Variants in TNFSF4 observed in about 807,000 individuals in gnomAD.
The protein encoded by TNFSF4 is TNF superfamily member 4.
TNFSF4 carries 4 observed loss-of-function variants against 7.3 expected under a neutral mutation model. That is an observed-to-expected ratio of 0.55 (90% confidence interval 0.27 to 1.25). TNFSF4 has a LOEUF of 1.25. Ranked by LOEUF, TNFSF4 falls within the 50% of genes most tolerant of loss-of-function variation. The pLI is 0.12. For synonymous variants in TNFSF4, 76 were observed against 83.7 expected (o/e 0.91, Z 0.50); for missense variants, 181 against 208.8 (o/e 0.87, Z 0.82).
the TNFSF4 span, among the ~76,000 whole-genome samples, chr1:173,281,429 G>C: frequency 2.6e-5 from 4 of 152,202 alleles, no homozygotes; most frequent in African/African-American, 7.2e-5. Flanking sequence ...CTCAAGATGA[G>C]AGCAAGAACA....
chr1:173,420,619 A>G, the TNFSF4 span, among the ~76,000 whole-genome samples: 1 of 152,224 alleles, frequency 6.6e-6, no homozygotes, highest in Admixed American at 6.5e-5. Context: ...GATGTCAAAT[A>G]TGCTTTCCCT....
At chr1:173,199,081 C>A (rs1188124065) in intron 1 of TNFSF4, among the ~76,000 whole-genome samples, 8 of 152,142 alleles carry the variant, frequency 5.3e-5, no homozygotes, top group Non-Finnish European at 1.0e-4. Flanking sequence ...TACTGAAGAA[C>A]CGTACCCTCT....
the TNFSF4 span, among the ~76,000 whole-genome samples, chr1:173,297,252 T>C: frequency 1.3e-5 from 2 of 151,900 alleles, no homozygotes; most frequent in African/African-American, 4.8e-5. Flanking sequence ...TCTAATGATA[T>C]GTTAGACCTT....
chr1:173,398,694 G>C, the TNFSF4 span, among the ~76,000 whole-genome samples: 1 of 152,088 alleles, frequency 6.6e-6, no homozygotes, highest in African/African-American at 2.4e-5. Flanking sequence ...CCAAAGTGCT[G>C]GGATTACAGG....
the TNFSF4 span, among the ~76,000 whole-genome samples, chr1:173,288,854 A>C: frequency 1.3e-5 from 2 of 150,092 alleles, no homozygotes; most frequent in Non-Finnish European, 3.0e-5. Context: ...AATTGAAACC[A>C]TACTTCTCCT....
the TNFSF4 span, chr1:173,363,036 T>TA: frequency 2.6e-6 from 1 of 382,886 alleles, no homozygotes; most frequent in Non-Finnish European, 5.2e-6. Flanking sequence ...TAAGTCTATT[T>TA]GTTTCTAGAC....
chr1:173,294,415 A>T, the TNFSF4 span, among the ~76,000 whole-genome samples: 3 of 152,012 alleles, frequency 2.0e-5, no homozygotes, highest in Non-Finnish European at 2.9e-5. Context: ...GTACACTCAG[A>T]CACAGATATA....
chr1:173,398,160 A>G, the TNFSF4 span, among the ~76,000 whole-genome samples: 15 of 152,146 alleles, frequency 9.9e-5, no homozygotes, highest in Admixed American at 9.8e-4. Context: ...GTCTCTCCTC[A>G]GCCCTTTGTC....
the TNFSF4 span, among the ~76,000 whole-genome samples, chr1:173,390,306 T>C: frequency 6.6e-6 from 1 of 152,212 alleles, no homozygotes; most frequent in Non-Finnish European, 1.5e-5. Context: ...TCTCTATGCA[T>C]TGGCATTTCA....
chr1:173,197,642 C>T (rs544157794), intron 1 of TNFSF4, among the ~76,000 whole-genome samples: 2 of 152,212 alleles, frequency 1.3e-5, no homozygotes, highest in African/African-American at 2.4e-5. Flanking sequence ...ACAATGAGAA[C>T]ACATGGACAT....
At chr1:173,359,510 T>TAAAAAAAAAAAAAAAAAA in the TNFSF4 span, among the ~76,000 whole-genome samples, 1 of 122,748 alleles carries the variant, frequency 8.1e-6, no homozygotes, top group Non-Finnish European at 1.7e-5. Flanking sequence ...TTACCAGCTG[T>TAAAAAAAAAAAAAAAAAA]AAAAAAAAAA....
chr1:173,312,805 G>A, the TNFSF4 span, among the ~76,000 whole-genome samples: 2 of 152,054 alleles, frequency 1.3e-5, no homozygotes, highest in East Asian at 1.9e-4. Context: ...TGCTCACAGG[G>A]CCCCCAACCA....
chr1:173,391,028 G>A, the TNFSF4 span, among the ~76,000 whole-genome samples: 2 of 152,006 alleles, frequency 1.3e-5, no homozygotes, highest in Non-Finnish European at 2.9e-5. Flanking sequence ...TTACAGGTGT[G>A]AGCCACTGCG....
At chr1:173,243,005 G>C in the TNFSF4 span, among the ~76,000 whole-genome samples, 89 of 31,950 alleles carry the variant, frequency 2.8e-3, 4 homozygotes, top group African/African-American at 8.0e-3. Flanking sequence ...GTTGGTGGGT[G>C]GGGGGGGGGG....
At chr1:173,347,749 T>C in the TNFSF4 span, among the ~76,000 whole-genome samples, 3 of 152,234 alleles carry the variant, frequency 2.0e-5, no homozygotes, top group African/African-American at 7.2e-5. Context: ...ACTGGCAATG[T>C]AGGTCTAGCC....
At chr1:173,280,333 T>C in the TNFSF4 span, among the ~76,000 whole-genome samples, 1 of 152,154 alleles carries the variant, frequency 6.6e-6, no homozygotes, top group Non-Finnish European at 1.5e-5. Context: ...TTTCTCTTCC[T>C]TTAAGTTATG....
the TNFSF4 span, among the ~76,000 whole-genome samples, chr1:173,173,467 G>A: frequency 6.6e-6 from 1 of 152,188 alleles, no homozygotes; most frequent in South Asian, 2.1e-4. Context: ...AGGGGCTACA[G>A]TCTCCTTGTA....
At chr1:173,358,315 G>C in the TNFSF4 span, among the ~76,000 whole-genome samples, 1 of 152,130 alleles carries the variant, frequency 6.6e-6, no homozygotes, top group African/African-American at 2.4e-5. Flanking sequence ...CCCAGGACTC[G>C]CTCTATCACC....
At chr1:173,415,665 C>A in the TNFSF4 span, among the ~76,000 whole-genome samples, 1 of 152,242 alleles carries the variant, frequency 6.6e-6, no homozygotes, top group Non-Finnish European at 1.5e-5. Flanking sequence ...ATCAGCTAAC[C>A]TCTGTGACCC....
Sources: allele counts gnomAD v4.1 joint callset (sites outside exome capture counted in the v4.1 genomes callset), GRCh38; gene constraint gnomAD v4.1.1; transcripts MANE v1.5; gene names NCBI Gene and HGNC (gene_info 2026-07-23, HGNC 2026-07-21).